SYNE2: variants seen among roughly 807,000 people sequenced by gnomAD.
SYNE2 encodes spectrin repeat containing nuclear envelope protein 2.
A neutral mutation model predicts 856.3 loss-of-function variants in SYNE2; 431 were observed. The observed-to-expected ratio is 0.50, with a 90% CI of 0.47 to 0.55. SYNE2 has a LOEUF of 0.55. Ranked by LOEUF, SYNE2 falls within the 20% of genes least tolerant of loss-of-function variation. The probability of loss-of-function intolerance (pLI) is 0.00; values close to 1 mark genes in which losing one functional copy is unlikely to be tolerated. For synonymous variants in SYNE2, 2,923 were observed against 2,872.3 expected, an observed-to-expected ratio of 1.02 and a Z score of -0.56; for missense variants, 8,129 against 8,023.2, an observed-to-expected ratio of 1.01 and a Z score of -0.50.
chr14:64,144,482 G>T (rs2153695225), intron 83 of SYNE2, among the ~76,000 whole-genome samples: 1 of 152,216 alleles, frequency 6.6e-6, no homozygotes, highest in East Asian at 1.9e-4. Flanking sequence ...TAAGATACAA[G>T]TACATGAATG....
chr14:64,119,086 G>A (rs957150460), intron 66 of SYNE2, among the ~76,000 whole-genome samples: 1 of 152,162 alleles, frequency 6.6e-6, no homozygotes, highest in African/African-American at 2.4e-5. Flanking sequence ...CTAAGTGGTA[G>A]GACTGGGATC....
intron 11 of SYNE2, among the ~76,000 whole-genome samples, chr14:63,969,250 A>G (rs1460398248): frequency 6.6e-6 from 1 of 151,080 alleles, no homozygotes; most frequent in African/African-American, 2.4e-5. Context: ...GCTCATTGCA[A>G]ACTCTGACTC....
chr14:64,170,728 T>C (rs762855130), intron 94 of SYNE2, among the ~76,000 whole-genome samples: 2 of 151,936 alleles, frequency 1.3e-5, no homozygotes, highest in African/African-American at 2.4e-5. Context: ...GGTGAATAAA[T>C]TGGGGGAGGT....
intron 89 of SYNE2, among the ~76,000 whole-genome samples, chr14:64,164,349 A>G (rs1217491551): frequency 1.3e-5 from 2 of 152,060 alleles, no homozygotes; most frequent in African/African-American, 2.4e-5. Flanking sequence ...TGACCTCGTG[A>G]TCCACCTGCC....
At chr14:64,157,257 C>G (rs2098293583) in intron 85 of SYNE2, among the ~76,000 whole-genome samples, 1 of 152,156 alleles carries the variant, frequency 6.6e-6, no homozygotes, top group African/African-American at 2.4e-5. Context: ...CCCCACTTTT[C>G]CCCTTCTCCA....
chr14:63,966,288 G>A (rs1197225536), intron 10 of SYNE2, among the ~76,000 whole-genome samples: 5 of 151,828 alleles, frequency 3.3e-5, no homozygotes, highest in East Asian at 1.9e-4. Context: ...GGTGAGGCAC[G>A]TGGATCATTT....
rs573432834 is a variant in SYNE2 at position 63,979,873 on chromosome 14, T to C, written c.1570-781T>C. Among the ~76,000 whole-genome samples the C allele has an allele frequency of 5.9e-5, 9 of 151,778 alleles. No homozygotes were observed. The East Asian group carries it at 9.7e-4, about 16-fold the overall frequency. ...CCAAGATTGTGGCACTGCACTGCAC[T>C]CCAGCCTGGGCGACAGAGCAAGACT... is the stretch of plus-strand genomic sequence containing the variant. On this transcript the variant is annotated intron_variant, in intron 14 of 115. Transcript: ENST00000555002.
rs766858311 is a variant in SYNE2, at chr14:64,003,144, A to T, written c.4211A>T (p.Asp1404Val). The change falls in exon 30 of 116, where the codon GAT (aspartate) becomes GTT (valine). Residue 1404 changes from aspartate (D) to valine (V), a missense_variant. Transcript: ENST00000555002. ...GDDTSCENLL[D>V]AFSIKLSETH... ...GACACCTCCTGTGAAAACCTGCTTG[A>T]TGCTTTTTCAATAAAGTTATCTGAG... 2 of 1,614,192 alleles carry T rather than the reference A, an allele frequency of 1.2e-6. No homozygotes were observed. The highest frequency in any genetic ancestry group is 4.5e-5 in the East Asian group (2 of 44,892).
At chr14:63,861,757 C>T (rs374807893) in intron 1 of SYNE2, among the ~76,000 whole-genome samples, 97 of 151,604 alleles carry the variant, frequency 6.4e-4, no homozygotes, top group East Asian at 3.3e-3. Context: ...AGTGAGACCC[C>T]GACTAAAAAG....
intron 1 of SYNE2, among the ~76,000 whole-genome samples, chr14:63,828,058 G>A (rs1336781910): frequency 6.6e-6 from 1 of 151,166 alleles, no homozygotes; most frequent in African/African-American, 2.4e-5. Flanking sequence ...TTAGCCAGGT[G>A]TGGTGGTGCA....
chr14:63,961,069 G>A (rs559410667), intron 8 of SYNE2, among the ~76,000 whole-genome samples: 4 of 152,242 alleles, frequency 2.6e-5, no homozygotes, highest in South Asian at 4.1e-4. Flanking sequence ...TAAGCCTTCC[G>A]TACAATATAT....
Position 63,814,006 on chromosome 14 carries a change from C to T in SYNE2, c.-304-38495C>T, listed in dbSNP as rs147082914. ...CCAGGAGGCAGAGGTTGCAGTAAGCCGAGATCACACCACTGCACTCCAGCC... is the reference window on the plus strand; with the variant it reads ...CCAGGAGGCAGAGGTTGCAGTAAGCTGAGATCACACCACTGCACTCCAGCC... On this transcript the variant is annotated intron_variant, in intron 1 of 23. Coordinates refer to the SYNE2 transcript ENST00000674003. Among the ~76,000 whole-genome samples, 302 of 151,110 alleles carry T rather than the reference C, an allele frequency of 2.0e-3. 3 individuals are homozygous for T. The East Asian group carries it at 0.037, about 18-fold the overall frequency.
chr14:63,917,155 A>G (rs182853027), intron 2 of SYNE2, among the ~76,000 whole-genome samples: 1 of 152,260 alleles, frequency 6.6e-6, no homozygotes, highest in Admixed American at 6.5e-5. Flanking sequence ...TTTTGTAGTA[A>G]AGTCCCCAGT....
intron 79 of SYNE2, 125 bp downstream of exon 79, chr14:64,138,108 C>T: frequency 4.7e-6 from 5 of 1,055,314 alleles, no homozygotes; most frequent in South Asian, 2.7e-5. Flanking sequence ...CAGTCTAAAG[C>T]AGTTGGGTCC....
At chr14:63,871,228 A>T (rs1400642201) in intron 1 of SYNE2, among the ~76,000 whole-genome samples, 2 of 150,778 alleles carry the variant, frequency 1.3e-5, no homozygotes, top group African/African-American at 4.9e-5. Flanking sequence ...TTTTTGAGAC[A>T]GAGTTTCACT....
At chr14:63,928,457 G>A (rs2095700617) in intron 2 of SYNE2, among the ~76,000 whole-genome samples, 1 of 152,200 alleles carries the variant, frequency 6.6e-6, no homozygotes, top group Non-Finnish European at 1.5e-5. Context: ...TGAGAGCTTA[G>A]TCTTGGTACT....
chr14:63,853,088 G>A lies in SYNE2; in HGVS notation c.-107G>A, dbSNP rs886050577. ...CGCGATCCAGAGAGCCAGGCAAGCG[G>A]GGCGCCGACCTCGGGCGGCCCCGGC... is the stretch of plus-strand genomic sequence containing the variant. On this transcript the variant is annotated 5_prime_UTR_variant, in exon 1 of 116. Transcript: ENST00000555002. The A allele has an allele frequency of 1.3e-5, 2 of 151,930 alleles. No individual in the cohort carries two copies. Among genetic ancestry groups the A allele is most frequent in the East Asian group, 3.9e-4 (2 of 5,156 alleles). The allele number at this position is 151,930 out of a possible 1,614,324, so 9.4% of individuals were successfully genotyped here. A position where few individuals can be genotyped will look rare whatever the true frequency, so the allele number is the denominator to read the frequency against.
At chr14:63,876,249 CAA>C (rs11438519) in intron 1 of SYNE2, among the ~76,000 whole-genome samples, 1 of 117,670 alleles carries the variant, frequency 8.5e-6, no homozygotes, top group African/African-American at 3.2e-5. Flanking sequence ...TCTATCTCTA[CAA>C]AAAAAAAAAA....
intron 1 of SYNE2, among the ~76,000 whole-genome samples, chr14:63,832,910 C>T (rs1296724814): frequency 1.3e-5 from 2 of 148,522 alleles, no homozygotes; most frequent in African/African-American, 5.0e-5. Context: ...TATGGTGGCA[C>T]GTGCCTATAG....
Sources: allele counts gnomAD v4.1 joint callset (sites outside exome capture counted in the v4.1 genomes callset), GRCh38; gene constraint gnomAD v4.1.1; transcripts MANE v1.5; gene names NCBI Gene and HGNC (gene_info 2026-07-23, HGNC 2026-07-21).